DDX6: variants seen among roughly 807,000 people sequenced by gnomAD.
DDX6 encodes DEAD-box helicase 6.
Under a neutral mutation model 60.6 loss-of-function variants are expected in DDX6, and 7 were observed. The ratio of observed to expected loss-of-function variants is 0.12; its 90% CI spans 0.07 to 0.22. The LOEUF is 0.22. Among genes scored for constraint, DDX6 ranks in the 10% least tolerant of loss-of-function variants. The pLI is 1.00. For missense variants in DDX6, 270 were observed against 589.9 expected (o/e 0.46, Z 5.62); for synonymous variants, 207 against 201.0 (o/e 1.03, Z -0.25).
chr11:118,771,893 TAA>T lies in DDX6; in HGVS notation c.370-3543_370-3542del, dbSNP rs1178841387. Among the ~76,000 whole-genome samples the T allele has an allele frequency of 3.3e-5, 5 of 152,182 alleles. No individual in the cohort carries two copies. The East Asian group carries it at 7.7e-4, about 23-fold the overall frequency. The stretch of plus-strand genomic sequence containing the variant: ...CCAGCCTTGCAGTTCCTCAAAAGGT[TAA>T]AAAGAGTTACCATATGAACTAGCAA... On this transcript the variant is annotated intron_variant, in intron 4 of 13. Coordinates refer to ENST00000534980, the MANE Select transcript of DDX6 (RefSeq NM_004397.6).
At chr11:118,764,804 CAA>C (rs782383956) in intron 6 of DDX6, among the ~76,000 whole-genome samples, 36 of 91,034 alleles carry the variant, frequency 4.0e-4, no homozygotes, top group Non-Finnish European at 4.7e-4. Flanking sequence ...ACTCCATCTC[CAA>C]AAAAAAAAAA....
Position 118,768,141 on chromosome 11 carries a change from T to TAA in DDX6, c.499+80_499+81dup, listed in dbSNP as rs201147781. 108 of 1,319,846 alleles carry TAA rather than the reference T, an allele frequency of 8.2e-5. 1 individual carries two copies. In the African/African-American group the frequency reaches 1.4e-3, roughly 18 times the overall value. 81.8% of individuals were successfully genotyped at this position (1,319,846 alleles called of 1,614,324 possible). Reference sequence around the variant, plus strand: ...AATTTTAGATAATGTAAATTCTGACTAAAAAAAGAGTATCTTCTACACATG... The same window carrying TAA: ...AATTTTAGATAATGTAAATTCTGACTAAAAAAAAAGAGTATCTTCTACACATG... On this transcript the variant is annotated intron_variant, in intron 5 of 13. Coordinates refer to ENST00000534980, the MANE Select transcript of DDX6 (RefSeq NM_004397.6).
Position 118,751,943 on chromosome 11 carries a change from CTT to C in DDX6, c.*160_*161del, listed in dbSNP as rs1343024630. ...AAAAGGTATATTCCTTCTTTTCAGC[CTT>C]TTTCTCTTCACCAGTTAAAAAAAGA... is the stretch of plus-strand genomic sequence containing the variant. On this transcript the variant is annotated 3_prime_UTR_variant, in exon 14 of 14. Transcript: ENST00000534980. The C allele has an allele frequency of 4.8e-6, 2 of 416,652 alleles. No homozygotes were observed. The highest frequency in any genetic ancestry group is 9.5e-6 in the Non-Finnish European group (2 of 210,524). 25.8% of individuals were successfully genotyped at this position (416,652 alleles called of 1,614,324 possible).
Position 118,758,912 on chromosome 11 carries a change from G to GT in DDX6, c.865-11_865-10insA. On this transcript the variant is annotated splice_polypyrimidine_tract_variant and intron_variant, in intron 8 of 13. Coordinates refer to ENST00000534980, the MANE Select transcript of DDX6 (RefSeq NM_004397.6). Reference sequence around the variant, plus strand: ...TCTGCAAATGGGAATTCTGGGGGGGGAGCGGGAAAAAGATGAGTCGTCGTC... The same window carrying GT: ...TCTGCAAATGGGAATTCTGGGGGGGGTAGCGGGAAAAAGATGAGTCGTCGTC... The GT allele has an allele frequency of 6.2e-7, 1 of 1,612,296 alleles. No individual in the cohort carries two copies. The highest frequency in any genetic ancestry group is 8.5e-7 in the Non-Finnish European group (1 of 1,179,286).
chr11:118,754,522 T>G, intron 13 of DDX6, 183 bp downstream of exon 13: 1 of 496,034 alleles, frequency 2.0e-6, no homozygotes, highest in Non-Finnish European at 3.5e-6. Flanking sequence ...AGAACAACAT[T>G]TACAGATTCT....
chr11:118,781,021 T>C lies in DDX6; in HGVS notation c.264+100A>G. On this transcript the variant is annotated intron_variant, in intron 3 of 13. Coordinates refer to ENST00000534980, the MANE Select transcript of DDX6 (RefSeq NM_004397.6). ...TTGGAGGAGGAGGGTGGCAGTGGTG[T>C]TATGGTCCTGAAACCAATTCCCTCC... The C allele has an allele frequency of 1.6e-5, 12 of 746,190 alleles. No individual in the cohort carries two copies. The South Asian group carries it at 1.9e-4, about 12-fold the overall frequency. 46.2% of individuals were successfully genotyped at this position (746,190 alleles called of 1,614,324 possible). A position where few individuals can be genotyped will look rare whatever the true frequency, so the allele number is the denominator to read the frequency against.
chr11:118,784,291 G>A (rs1862001776), intron 2 of DDX6, among the ~76,000 whole-genome samples: 1 of 151,876 alleles, frequency 6.6e-6, no homozygotes, highest in Admixed American at 6.6e-5. Flanking sequence ...GTTCTTAGAG[G>A]TCCTAGTGAA....
chr11:118,770,113 G>A (rs539002000), intron 4 of DDX6, among the ~76,000 whole-genome samples: 3 of 151,328 alleles, frequency 2.0e-5, no homozygotes, highest in South Asian at 2.1e-4. Flanking sequence ...TGCAACTTTC[G>A]CCTCCTGGTT....
At chr11:118,753,263 CAG>C (rs1860842375) in intron 13 of DDX6, among the ~76,000 whole-genome samples, 1 of 151,420 alleles carries the variant, frequency 6.6e-6, no homozygotes, top group Non-Finnish European at 1.5e-5. Flanking sequence ...GTCCTGACCT[CAG>C]GTAATCCACC....
At chr11:118,755,358 CA>C in intron 12 of DDX6, 43 bp downstream of exon 12, 1 of 1,286,462 alleles carries the variant, frequency 7.8e-7, no homozygotes, top group South Asian at 1.2e-5. Flanking sequence ...TTACACGCCT[CA>C]AAAAAGAACT....
In DDX6 at chr11:118,748,490, T is replaced by C. The variant is rs1860636209; in HGVS notation, c.*3615A>G. 6.6e-6 allele frequency: 1 copy of C among 152,166 alleles called. No homozygotes were observed. The highest frequency in any genetic ancestry group is 6.5e-5 in the Admixed American group (1 of 15,270). The allele number at this position is 152,166 out of a possible 1,614,324, so 9.4% of individuals were successfully genotyped here. ...TTCAGCTCTCATGAGGCCAATAATT[T>C]TGATAAAGGTATCTGGCAGGAAAAT... On this transcript the variant is annotated 3_prime_UTR_variant, in exon 14 of 14. Coordinates refer to ENST00000534980, the MANE Select transcript of DDX6 (RefSeq NM_004397.6).
At position 118,749,440 on chromosome 11, in the gene DDX6, G is replaced by A. The variant is rs1266515374; in HGVS notation, c.*2665C>T. The A allele has an allele frequency of 6.8e-6, 1 of 147,508 alleles. No individual in the cohort carries two copies. Among genetic ancestry groups the A allele is most frequent in the Non-Finnish European group, 1.5e-5 (1 of 67,144 alleles). The allele number at this position is 147,508 out of a possible 1,614,324, so 9.1% of individuals were successfully genotyped here. On this transcript the variant is annotated 3_prime_UTR_variant, in exon 14 of 14. Coordinates refer to ENST00000534980, the MANE Select transcript of DDX6 (RefSeq NM_004397.6). ...TCCATTTAACAATTCCTATTCAAGA[G>A]TCAAGCACCAAAACTGGACAGCTGC...
intron 9 of DDX6, among the ~76,000 whole-genome samples, chr11:118,758,386 T>C (rs551112694): frequency 1.3e-5 from 2 of 152,190 alleles, no homozygotes; most frequent in Admixed American, 1.3e-4. Context: ...TTTTTTTTTC[T>C]TCCCAAGACG....
intron 4 of DDX6, among the ~76,000 whole-genome samples, chr11:118,769,521 C>A (rs1440353057): frequency 6.6e-6 from 1 of 151,982 alleles, no homozygotes; most frequent in East Asian, 1.9e-4. Flanking sequence ...GCAAAGGATT[C>A]CCAAAAGTTA....
intron 4 of DDX6, among the ~76,000 whole-genome samples, chr11:118,778,009 T>G (rs1861762292): frequency 6.7e-6 from 1 of 150,202 alleles, no homozygotes. Context: ...AGGCTATTTT[T>G]AGAATAATAA....
chr11:118,791,282 GCGGCTATATTCGC>G (rs1187693021), upstream of DDX6: 1 of 151,990 alleles, frequency 6.6e-6, no homozygotes, highest in African/African-American at 2.4e-5. Flanking sequence ...CTCGGCCGCC[GCGGCTATATTCGC>G]CGCGGCGTCA....
intron 2 of DDX6, among the ~76,000 whole-genome samples, chr11:118,784,315 CTATA>C (rs1196628035): frequency 6.6e-6 from 1 of 152,046 alleles, no homozygotes. Flanking sequence ...CATACGGTAA[CTATA>C]TGACAGTCTG....
Position 118,786,123 on chromosome 11 carries a change from G to C in DDX6, c.129C>G (p.Asn43Lys). 1 of 1,613,874 alleles carries C rather than the reference G, an allele frequency of 6.2e-7. No individual in the cohort carries two copies. The highest frequency in any genetic ancestry group is 8.5e-7 in the Non-Finnish European group (1 of 1,179,874). ...TGATTGTGTTGGTGTTTTTCAGCTGGTTCATCTGTTGCTGTGTCTGTGTGC... is the reference window on the plus strand; with the variant it reads ...TGATTGTGTTGGTGTTTTTCAGCTGCTTCATCTGTTGCTGTGTCTGTGTGC... ...GGGTQTQQQM[N>K]QLKNTNTINN... is the part of the protein sequence containing the mutation. Residue 43 changes from asparagine to lysine, a missense_variant, in exon 2 of 14, where the codon AAC becomes AAG. Asn to Lys is a moderately conservative substitution (Grantham distance 94). Transcript: ENST00000534980.
intron 8 of DDX6, 105 bp downstream of exon 8, chr11:118,759,813 GAAAT>G: frequency 8.1e-7 from 1 of 1,236,178 alleles, no homozygotes; most frequent in Non-Finnish European, 1.1e-6. Flanking sequence ...CCAAAGGCTT[GAAAT>G]AATTAGCATA....
Sources: allele counts gnomAD v4.1 joint callset (sites outside exome capture counted in the v4.1 genomes callset), GRCh38; gene constraint gnomAD v4.1.1; transcripts MANE v1.5; gene names NCBI Gene and HGNC (gene_info 2026-07-23, HGNC 2026-07-21).